The following KLHL1 variants were observed in gnomAD, a reference collection of about 807,000 sequenced individuals.
The protein encoded by KLHL1 is kelch-like protein 1.
Under a neutral mutation model 77.7 loss-of-function variants are expected in KLHL1, and 47 were observed. That is an observed-to-expected ratio of 0.60 (90% CI 0.48 to 0.77). The LOEUF (loss-of-function observed/expected upper bound fraction) is 0.77. Among genes scored for constraint, KLHL1 ranks in the 30% least tolerant of loss-of-function variants. The pLI is 0.00. For synonymous variants in KLHL1, 360 were observed against 325.2 expected (o/e 1.11, Z -1.15); for missense variants, 925 against 910.8 (o/e 1.02, Z -0.20).
At chr13:69,775,420 T>C (rs1875776193) in intron 7 of KLHL1, among the ~76,000 whole-genome samples, 2 of 152,270 alleles carry the variant, frequency 1.3e-5, no homozygotes, top group Middle Eastern at 3.4e-3. Context: ...TACCTTTCAA[T>C]TTATAGGGTA....
At chr13:69,714,172 C>T (rs1274487092) in intron 9 of KLHL1, among the ~76,000 whole-genome samples, 3 of 151,756 alleles carry the variant, frequency 2.0e-5, no homozygotes, top group East Asian at 3.9e-4. Context: ...ATTTTCAATG[C>T]AAAAAAAATT....
intron 8 of KLHL1, 32 bp downstream of exon 8, chr13:69,740,362 A>G: frequency 2.7e-6 from 4 of 1,457,820 alleles, no homozygotes; most frequent in Non-Finnish European, 3.7e-6. Flanking sequence ...CTTTTTTTCT[A>G]AGATTAAAAA....
chr13:69,719,685 G>T (rs1872954879), intron 8 of KLHL1, 104 bp from the exon 9 acceptor site: 1 of 768,774 alleles, frequency 1.3e-6, no homozygotes, highest in African/African-American at 1.8e-5. Flanking sequence ...GCTCAAACGT[G>T]TTGGAAATAT....
intron 1 of KLHL1, among the ~76,000 whole-genome samples, chr13:69,979,427 A>T (rs1469477655): frequency 6.6e-6 from 1 of 152,070 alleles, no homozygotes; most frequent in East Asian, 1.9e-4. Flanking sequence ...GAATTTTCAC[A>T]ACAGAACACT....
chr13:70,052,458 A>G (rs1307978150), intron 1 of KLHL1, among the ~76,000 whole-genome samples: 2 of 151,980 alleles, frequency 1.3e-5, no homozygotes, highest in Non-Finnish European at 2.9e-5. Context: ...GAAAATTAAA[A>G]AAAACCCTTA....
At chr13:69,819,777 C>T (rs1359729087) in intron 6 of KLHL1, among the ~76,000 whole-genome samples, 1 of 152,114 alleles carries the variant, frequency 6.6e-6, no homozygotes, top group Non-Finnish European at 1.5e-5. Context: ...TTGTTCACAG[C>T]TATCATGTAT....
chr13:69,764,929 CTTTTTTTTTTTTTTTTTTTTT>C (rs71196263), intron 7 of KLHL1, among the ~76,000 whole-genome samples: 42 of 39,718 alleles, frequency 1.1e-3, no homozygotes, highest in East Asian at 7.5e-3. Flanking sequence ...TATATCTTTG[CTTTTTTTTTTTTTTTTTTTTT>C]TTTTTTTTTT....
intron 5 of KLHL1, among the ~76,000 whole-genome samples, chr13:69,864,596 G>C (rs1306300742): frequency 6.6e-6 from 1 of 151,972 alleles, no homozygotes; most frequent in Non-Finnish European, 1.5e-5. Context: ...TTCAAATATA[G>C]TTACTGGTTC....
At chr13:70,034,105 G>T (rs937553824) in intron 1 of KLHL1, among the ~76,000 whole-genome samples, 7 of 152,140 alleles carry the variant, frequency 4.6e-5, no homozygotes, top group African/African-American at 1.7e-4. Flanking sequence ...GTGCAGCACT[G>T]AAATGCAGCC....
chr13:70,061,874 C>T (rs1886898178), intron 1 of KLHL1, among the ~76,000 whole-genome samples: 1 of 152,050 alleles, frequency 6.6e-6, no homozygotes, highest in Admixed American at 6.6e-5. Context: ...TATACGTATA[C>T]AACATGTAAT....
At chr13:70,022,272 C>A (rs901097090) in intron 1 of KLHL1, among the ~76,000 whole-genome samples, 3 of 54,116 alleles carry the variant, frequency 5.5e-5, no homozygotes, top group African/African-American at 3.2e-4. Context: ...AAGTTGATTA[C>A]GTGTGTGTTT....
At chr13:69,807,638 G>A (rs1240809498) in intron 6 of KLHL1, among the ~76,000 whole-genome samples, 1 of 152,098 alleles carries the variant, frequency 6.6e-6, no homozygotes, top group African/African-American at 2.4e-5. Context: ...GGTGACTGGT[G>A]GCAATGGCAG....
intron 1 of KLHL1, among the ~76,000 whole-genome samples, chr13:70,093,236 G>A (rs999007416): frequency 1.3e-5 from 2 of 152,098 alleles, no homozygotes; most frequent in Non-Finnish European, 2.9e-5. Context: ...AAGATGAAGT[G>A]AGGGAAATAG....
intron 1 of KLHL1, among the ~76,000 whole-genome samples, chr13:70,043,940 T>C (rs1886437172): frequency 6.6e-6 from 1 of 152,208 alleles, no homozygotes; most frequent in Non-Finnish European, 1.5e-5. Flanking sequence ...CTGCAATTGT[T>C]CCCTACTGGT....
intron 1 of KLHL1, among the ~76,000 whole-genome samples, chr13:70,039,707 T>C (rs1347964592): frequency 1.3e-5 from 2 of 149,630 alleles, no homozygotes; most frequent in East Asian, 2.0e-4. Context: ...TGGTGCCATC[T>C]CTGCTCACTG....
chr13:69,906,852 A>G (rs2138236408), intron 4 of KLHL1, among the ~76,000 whole-genome samples: 1 of 152,148 alleles, frequency 6.6e-6, no homozygotes, highest in Admixed American at 6.5e-5. Context: ...TGGAATAGAA[A>G]AAATATAGTT....
At chr13:69,881,158 T>C (rs1385597978) in intron 5 of KLHL1, among the ~76,000 whole-genome samples, 1 of 152,174 alleles carries the variant, frequency 6.6e-6, no homozygotes, top group African/African-American at 2.4e-5. Flanking sequence ...ATTATTTTGC[T>C]GTTTTTTTCT....
At chr13:69,869,989 T>C (rs1259946172) in intron 5 of KLHL1, among the ~76,000 whole-genome samples, 1 of 152,152 alleles carries the variant, frequency 6.6e-6, no homozygotes, top group African/African-American at 2.4e-5. Flanking sequence ...GCAGGGTGTT[T>C]TGTTTATTTG....
At chr13:69,916,760 G>GA (rs543456088) in intron 4 of KLHL1, among the ~76,000 whole-genome samples, 97 of 146,358 alleles carry the variant, frequency 6.6e-4, no homozygotes, top group African/African-American at 1.4e-3. Flanking sequence ...AAAATAAAGT[G>GA]AAAAAAAAAC....
Sources: allele counts gnomAD v4.1 joint callset (sites outside exome capture counted in the v4.1 genomes callset), GRCh38; gene constraint gnomAD v4.1.1; transcripts MANE v1.5; gene names NCBI Gene and HGNC (gene_info 2026-07-23, HGNC 2026-07-21).